The following PRKG1 variants were observed in gnomAD, a reference collection of about 807,000 sequenced individuals.
The protein encoded by PRKG1 is protein kinase cGMP-dependent 1, also known as cGMP-dependent protein kinase 1.
In PRKG1, 35 loss-of-function variants were observed where a neutral mutation model predicts 88.1. The ratio of observed to expected loss-of-function variants is 0.40; its 90% confidence interval spans 0.30 to 0.53. The LOEUF (loss-of-function observed/expected upper bound fraction) is 0.53. Ranked by LOEUF, PRKG1 falls within the 20% of genes least tolerant of loss-of-function variation. The probability of loss-of-function intolerance (pLI) is 0.59; values close to 1 mark genes in which losing one functional copy is unlikely to be tolerated. For synonymous variants in PRKG1, 303 were observed against 292.5 expected, an observed-to-expected ratio of 1.04 and a Z score of -0.37; for missense variants, 540 against 839.8, an observed-to-expected ratio of 0.64 and a Z score of 4.41.
intron 4 of PRKG1, among the ~76,000 whole-genome samples, chr10:51,882,439 A>G (rs1471244163): frequency 1.3e-5 from 2 of 152,194 alleles, no homozygotes; most frequent in Admixed American, 1.3e-4. Flanking sequence ...ATTTCCTTCC[A>G]GATCATCTAC....
chr10:51,289,433 T>G (rs952678266), intron 2 of PRKG1, among the ~76,000 whole-genome samples: 2 of 152,212 alleles, frequency 1.3e-5, no homozygotes, highest in Non-Finnish European at 2.9e-5. Context: ...AACAGTGGAC[T>G]AGAGCCTCCA....
chr10:51,736,193 T>C (rs1360531928), intron 3 of PRKG1, among the ~76,000 whole-genome samples: 1 of 151,482 alleles, frequency 6.6e-6, no homozygotes, highest in South Asian at 2.1e-4. Context: ...TGACTGGGAG[T>C]TATTTCTTGA....
rs1477280229 is a variant in PRKG1, at chr10:51,628,975, AAAAACAAAAACAAAAACC to A, written c.592+161144_592+161161del. ...AGCGAGACTCCGTCTCAAAAAAAAAAAAAACAAAAACAAAAACCAAAAAAACTGCAAGTTATGTTAGTG... is the reference window on the plus strand; with the variant it reads ...AGCGAGACTCCGTCTCAAAAAAAAAAAAAAAAACTGCAAGTTATGTTAGTG... On this transcript the variant is annotated intron_variant, in intron 3 of 17. Coordinates refer to ENST00000373980, the MANE Select transcript of PRKG1 (RefSeq NM_006258.4). Among the ~76,000 whole-genome samples the A allele has an allele frequency of 8.8e-4, 40 of 45,290 alleles. 1 individual carries two copies. Among genetic ancestry groups the A allele is most frequent in the African/African-American group, 1.7e-3 (40 of 23,028 alleles). The allele number at this position is 45,290 out of a possible 152,430, so 29.7% of individuals were successfully genotyped here.
chr10:51,279,948 G>C (rs1157485484), intron 2 of PRKG1, among the ~76,000 whole-genome samples: 14 of 152,184 alleles, frequency 9.2e-5, no homozygotes, highest in Admixed American at 3.9e-4. Flanking sequence ...CTCGTTAGTT[G>C]ATGCAGTTTC....
intron 8 of PRKG1, among the ~76,000 whole-genome samples, chr10:52,160,555 C>A (rs887528400): frequency 6.6e-6 from 1 of 151,806 alleles, no homozygotes; most frequent in Non-Finnish European, 1.5e-5. Context: ...AGCTCACTAC[C>A]CAAGGGTCTG....
intron 3 of PRKG1, among the ~76,000 whole-genome samples, chr10:51,726,499 G>A (rs1842135095): frequency 6.6e-6 from 1 of 152,174 alleles, no homozygotes; most frequent in African/African-American, 2.4e-5. Flanking sequence ...TGCATATGCA[G>A]TAGTGACCAT....
intron 1 of PRKG1, among the ~76,000 whole-genome samples, chr10:51,105,260 G>A (rs1205976928): frequency 2.0e-5 from 3 of 152,194 alleles, no homozygotes; most frequent in East Asian, 3.8e-4. Context: ...ACATTCTGGA[G>A]CAAATAAAGA....
intron 4 of PRKG1, among the ~76,000 whole-genome samples, chr10:51,851,459 A>T (rs188340634): frequency 6.6e-6 from 1 of 152,264 alleles, no homozygotes; most frequent in East Asian, 1.9e-4. Context: ...TCCAGCCAAA[A>T]CCATCAACAG....
chr10:52,185,246 A>T (rs1839164382), intron 9 of PRKG1, among the ~76,000 whole-genome samples: 1 of 152,232 alleles, frequency 6.6e-6, no homozygotes, highest in Non-Finnish European at 1.5e-5. Flanking sequence ...CAAAAGGGAC[A>T]AATTGGCCAA....
chr10:51,617,352 T>C (rs976548471), intron 3 of PRKG1, among the ~76,000 whole-genome samples: 4 of 152,046 alleles, frequency 2.6e-5, no homozygotes, highest in South Asian at 2.1e-4. Flanking sequence ...GAAGTGTGAT[T>C]ATCTACTCGC....
At chr10:51,822,065 G>A (rs940657000) in intron 4 of PRKG1, among the ~76,000 whole-genome samples, 1 of 151,670 alleles carries the variant, frequency 6.6e-6, no homozygotes, top group African/African-American at 2.4e-5. Context: ...CCATCTACAA[G>A]ATGAATGAAT....
chr10:51,284,472 T>C (rs2132208888), intron 2 of PRKG1, among the ~76,000 whole-genome samples: 1 of 152,352 alleles, frequency 6.6e-6, no homozygotes, highest in East Asian at 1.9e-4. Context: ...ATTTGCAAAT[T>C]ATTAAAATAG....
chr10:51,599,580 C>A (rs1347686023), intron 3 of PRKG1, among the ~76,000 whole-genome samples: 2 of 152,134 alleles, frequency 1.3e-5, no homozygotes. Context: ...TTGGTTTCCA[C>A]TGCATCTGTG....
At chr10:52,110,516 A>T (rs978698382) in intron 7 of PRKG1, among the ~76,000 whole-genome samples, 4 of 151,826 alleles carry the variant, frequency 2.6e-5, no homozygotes, top group South Asian at 2.1e-4. Flanking sequence ...TATTGAGAAA[A>T]TTTTTTTCTC....
At chr10:52,009,031 A>G (rs942621799) in intron 5 of PRKG1, among the ~76,000 whole-genome samples, 6 of 152,180 alleles carry the variant, frequency 3.9e-5, no homozygotes, top group Middle Eastern at 3.2e-3. Flanking sequence ...TATACTTCAA[A>G]AAAATAAAAG....
chr10:51,946,076 G>A (rs187784295), intron 5 of PRKG1, among the ~76,000 whole-genome samples: 4,995 of 151,922 alleles, frequency 0.033, 283 homozygotes, highest in African/African-American at 0.11. Context: ...CATTCTCCCC[G>A]TCAATTTCAT....
At chr10:51,019,490 T>C (rs576311941) in intron 1 of PRKG1, among the ~76,000 whole-genome samples, 2 of 152,080 alleles carry the variant, frequency 1.3e-5, no homozygotes, top group Admixed American at 1.3e-4. Context: ...TATACAAAAA[T>C]TAACTCAAAA....
chr10:51,432,770 G>T (rs1406770991), intron 2 of PRKG1, among the ~76,000 whole-genome samples: 1 of 152,156 alleles, frequency 6.6e-6, no homozygotes, highest in Non-Finnish European at 1.5e-5. Context: ...CTTTACACTT[G>T]TGTCATCACA....
At chr10:51,752,141 ATTGT>A (rs149158231) in intron 3 of PRKG1, among the ~76,000 whole-genome samples, 2,889 of 152,130 alleles carry the variant, frequency 0.019, 92 homozygotes, top group African/African-American at 0.066. Context: ...CCTTTCCATC[ATTGT>A]TTATGTCCAT....
Sources: gnomAD v4.1 joint callset for allele counts (sites outside exome capture counted in the v4.1 genomes callset) on GRCh38, gnomAD v4.1.1 for gene constraint, MANE v1.5 for transcripts, NCBI Gene and HGNC (gene_info 2026-07-23, HGNC 2026-07-21) for gene names.